Variants in ATRNL1 observed in about 807,000 individuals in gnomAD.
The protein encoded by ATRNL1 is attractin like 1, also known as attractin-like protein 1.
In ATRNL1, 95 loss-of-function variants were observed where a neutral mutation model predicts 182.7. The observed-to-expected ratio is 0.52, with a 90% CI of 0.44 to 0.62. The LOEUF (loss-of-function observed/expected upper bound fraction) is 0.62. ATRNL1 is among the 20% of genes least tolerant of loss of function. ATRNL1 has a pLI of 0.00. For missense variants in ATRNL1, 1,471 were observed against 1,679.5 expected (o/e 0.88, Z 2.17); for synonymous variants, 576 against 568.3 (o/e 1.01, Z -0.19).
chr10:115,241,525 A>C (rs1850422450), intron 9 of ATRNL1, 46 bp from the exon 10 acceptor site: 1 of 1,330,854 alleles, frequency 7.5e-7, no homozygotes, highest in Non-Finnish European at 1.1e-6. Context: ...AAAATCAGGG[A>C]GGTCATTTTA....
rs1431308569 is a variant in ATRNL1, at chr10:115,328,383, G to T, written c.3038-5899G>T. 2.6e-5 allele frequency among the ~76,000 whole-genome samples: 4 copies of T among 152,088 alleles called. No individual in the cohort carries two copies. In the South Asian group the frequency reaches 6.2e-4, roughly 24 times the overall value. ...TATGTTGTATAATGGTCGAATCATG[G>T]TAATTAACATATCTATTACCTTAAA... On this transcript the variant is annotated intron_variant, in intron 18 of 28. Transcript: ENST00000355044.
chr10:115,200,364 C>A (rs1210791788), intron 8 of ATRNL1, among the ~76,000 whole-genome samples: 1 of 131,050 alleles, frequency 7.6e-6, no homozygotes, highest in Non-Finnish European at 1.6e-5. Flanking sequence ...TCTCCTAATG[C>A]TATCCCTCCC....
chr10:115,605,631 C>T (rs782557142), intron 26 of ATRNL1, among the ~76,000 whole-genome samples: 25 of 151,872 alleles, frequency 1.6e-4, no homozygotes, highest in Admixed American at 4.6e-4. Context: ...CATTGTAAGT[C>T]AAAGATCATC....
At chr10:115,094,194 G>A in intron 1 of ATRNL1, 151 bp downstream of exon 1, 1 of 855,976 alleles carries the variant, frequency 1.2e-6, no homozygotes, top group Non-Finnish European at 1.6e-6. Context: ...GCGGGCGAGA[G>A]TGGGGCCCGC....
At chr10:115,761,043 C>T (rs1948722268) in intron 27 of ATRNL1, among the ~76,000 whole-genome samples, 1 of 152,146 alleles carries the variant, frequency 6.6e-6, no homozygotes, top group Admixed American at 6.6e-5. Context: ...CTGCACAACA[C>T]AACTAGGGAA....
At chr10:115,495,700 A>AT (rs1554977992) in intron 24 of ATRNL1, among the ~76,000 whole-genome samples, 1 of 86,170 alleles carries the variant, frequency 1.2e-5, no homozygotes, top group Admixed American at 9.6e-5. Context: ...GTATGATTTC[A>AT]GTTTTTTTTT....
chr10:115,472,215 A>G (rs909984631), intron 24 of ATRNL1, among the ~76,000 whole-genome samples: 2 of 151,022 alleles, frequency 1.3e-5, no homozygotes, highest in African/African-American at 4.8e-5. Flanking sequence ...GTGTATTTTT[A>G]TGCCAGCAAC....
intron 5 of ATRNL1, among the ~76,000 whole-genome samples, chr10:115,142,806 C>A (rs1845805644): frequency 6.6e-6 from 1 of 151,812 alleles, no homozygotes; most frequent in Non-Finnish European, 1.5e-5. Flanking sequence ...GATTTTAATG[C>A]AGGATTAATA....
At chr10:115,619,812 C>A (rs1857629045) in intron 26 of ATRNL1, among the ~76,000 whole-genome samples, 1 of 152,064 alleles carries the variant, frequency 6.6e-6, no homozygotes, top group Non-Finnish European at 1.5e-5. Context: ...TTTAACAACA[C>A]CTGGATTACT....
At chr10:115,563,190 G>GT (rs1345682442) in intron 26 of ATRNL1, among the ~76,000 whole-genome samples, 1 of 152,138 alleles carries the variant, frequency 6.6e-6, no homozygotes, top group Non-Finnish European at 1.5e-5. Context: ...TAAAGCAACA[G>GT]TGTAAGATTC....
Position 115,637,519 on chromosome 10 carries a change from G to A in ATRNL1, c.3795+87983G>A, listed in dbSNP as rs146165053. ...TAGCAGTATGTATGTTTTAACCTGCGTTATTATGGAAGTCAGAAAATTAAA... is the reference window on the plus strand; with the variant it reads ...TAGCAGTATGTATGTTTTAACCTGCATTATTATGGAAGTCAGAAAATTAAA... On this transcript the variant is annotated intron_variant, in intron 26 of 28. Coordinates refer to ENST00000355044, the MANE Select transcript of ATRNL1 (RefSeq NM_207303.4). 5.6e-4 allele frequency among the ~76,000 whole-genome samples: 85 copies of A among 151,024 alleles called. 1 individual carries two copies. The highest frequency in any genetic ancestry group is 1.4e-3 in the African/African-American group (58 of 41,156).
intron 26 of ATRNL1, among the ~76,000 whole-genome samples, chr10:115,668,725 G>T (rs1239952546): frequency 6.6e-6 from 1 of 151,972 alleles, no homozygotes; most frequent in Non-Finnish European, 1.5e-5. Flanking sequence ...TCTTAAACAG[G>T]TCACCAAGCA....
At chr10:115,565,086 T>A (rs1490772327) in intron 26 of ATRNL1, among the ~76,000 whole-genome samples, 1 of 151,972 alleles carries the variant, frequency 6.6e-6, no homozygotes, top group African/African-American at 2.4e-5. Context: ...TAGAGAGATA[T>A]TTTTAAGAAT....
At chr10:115,828,396 G>A (rs1555092646) in intron 27 of ATRNL1, among the ~76,000 whole-genome samples, 1 of 152,216 alleles carries the variant, frequency 6.6e-6, no homozygotes, top group East Asian at 1.9e-4. Flanking sequence ...GCCTGCAGCT[G>A]TTAAGGCTGT....
Position 115,621,276 on chromosome 10 carries a change from T to TATATATATATATAG in ATRNL1, c.3795+71741_3795+71742insTATATATATATAGA, listed in dbSNP as rs1268020830. Among the ~76,000 whole-genome samples, 201 of 47,506 alleles carry TATATATATATATAG rather than the reference T, an allele frequency of 4.2e-3. 1 individual carries two copies. Among genetic ancestry groups the TATATATATATATAG allele is most frequent in the Non-Finnish European group, 4.6e-3 (110 of 23,862 alleles). The allele number at this position is 47,506 out of a possible 152,430, so 31.2% of individuals were successfully genotyped here. On this transcript the variant is annotated intron_variant, in intron 26 of 28. Transcript: ENST00000355044. Reference sequence around the variant, plus strand: ...CTGAATATATATATATATATATATATAGAGAGAGAGAGAGAGAGAGAGAGA... The same window carrying TATATATATATATAG: ...CTGAATATATATATATATATATATATATATATATATATAGAGAGAGAGAGAGAGAGAGAGAGAGA...
intron 27 of ATRNL1, among the ~76,000 whole-genome samples, chr10:115,800,010 C>G (rs1555083952): frequency 6.6e-6 from 1 of 152,044 alleles, no homozygotes; most frequent in African/African-American, 2.4e-5. Context: ...CACCCGAGGT[C>G]AGGAGTTCAA....
At chr10:115,226,973 C>T (rs1849726033) in intron 9 of ATRNL1, among the ~76,000 whole-genome samples, 2 of 152,078 alleles carry the variant, frequency 1.3e-5, no homozygotes, top group South Asian at 4.1e-4. Flanking sequence ...CAATACAAAT[C>T]CTAACAGACA....
chr10:115,707,383 T>C (rs1946933981), intron 26 of ATRNL1, among the ~76,000 whole-genome samples: 2 of 151,702 alleles, frequency 1.3e-5, no homozygotes, highest in African/African-American at 2.4e-5. Context: ...CATAAAGATA[T>C]AGGTATAGAT....
chr10:115,230,909 G>GAGAGAGAGAGAGAGAGAGAGAGAGAA (rs1849909791), intron 9 of ATRNL1, among the ~76,000 whole-genome samples: 1 of 138,236 alleles, frequency 7.2e-6, no homozygotes, highest in Non-Finnish European at 1.5e-5. Flanking sequence ...GAGAGAGAGA[G>GAGAGAGAGAGAGAGAGAGAGAGAGAA]AGAGAGAGAG....
Sources: allele counts gnomAD v4.1 joint callset (sites outside exome capture counted in the v4.1 genomes callset), GRCh38; gene constraint gnomAD v4.1.1; transcripts MANE v1.5; gene names NCBI Gene and HGNC (gene_info 2026-07-23, HGNC 2026-07-21).